ARL6IP6: variants seen among roughly 807,000 people sequenced by gnomAD.
ARL6IP6 encodes ARF like GTPase 6 interacting protein 6.
A neutral mutation model predicts 21.5 loss-of-function variants in ARL6IP6; 22 were observed. That is an observed-to-expected ratio of 1.02 (90% CI 0.73 to 1.46). The LOEUF (loss-of-function observed/expected upper bound fraction) is 1.46. Among genes scored for constraint, ARL6IP6 ranks in the 40% most tolerant of loss-of-function variants. ARL6IP6 has a pLI of 0.00. For missense variants in ARL6IP6, 388 were observed against 299.8 expected (o/e 1.29, Z -2.17); for synonymous variants, 164 against 125.3 (o/e 1.31, Z -2.06).
intron 3 of ARL6IP6, among the ~76,000 whole-genome samples, chr2:152,750,925 G>A (rs989468705): frequency 6.6e-6 from 1 of 152,146 alleles, no homozygotes; most frequent in East Asian, 1.9e-4. Flanking sequence ...AATAATTGTA[G>A]TAACATCTCC....
At chr2:152,719,937 A>G in intron 1 of ARL6IP6, 1 of 379,388 alleles carries the variant, frequency 2.6e-6, no homozygotes, top group Non-Finnish European at 5.4e-6. Context: ...CTAAAACCTT[A>G]CAATGCTTGA....
chr2:152,728,887 C>T (rs1245249516), intron 2 of ARL6IP6, among the ~76,000 whole-genome samples: 2 of 151,850 alleles, frequency 1.3e-5, no homozygotes, highest in Admixed American at 1.3e-4. Context: ...GGTGAAACCT[C>T]GTCTCTACTA....
chr2:152,740,959 G>A (rs1011846577), intron 3 of ARL6IP6, among the ~76,000 whole-genome samples: 2 of 152,100 alleles, frequency 1.3e-5, no homozygotes, highest in Admixed American at 1.3e-4. Flanking sequence ...CACCAGTAGA[G>A]TGAGTCCTTG....
intron 3 of ARL6IP6, among the ~76,000 whole-genome samples, chr2:152,735,971 T>C (rs1700531947): frequency 1.3e-5 from 2 of 152,172 alleles, no homozygotes; most frequent in African/African-American, 4.8e-5. Context: ...TCATTATTAG[T>C]AAACTCCCAA....
At chr2:152,727,446 A>G (rs1459296608) in intron 2 of ARL6IP6, among the ~76,000 whole-genome samples, 1 of 152,188 alleles carries the variant, frequency 6.6e-6, no homozygotes, top group East Asian at 1.9e-4. Context: ...AATTTAGCGT[A>G]ACCTAAGTGT....
intron 3 of ARL6IP6, among the ~76,000 whole-genome samples, chr2:152,741,774 A>G (rs1250841381): frequency 6.6e-6 from 1 of 152,184 alleles, no homozygotes; most frequent in Admixed American, 6.5e-5. Flanking sequence ...CAACAGGCAT[A>G]TTTTTTGGAA....
rs1473437492 is a variant in ARL6IP6, at chr2:152,761,580, C to T, written c.*1740C>T. Among the ~76,000 whole-genome samples, 6 of 152,140 alleles carry T rather than the reference C, an allele frequency of 3.9e-5. No homozygotes were observed. The highest frequency in any genetic ancestry group is 7.3e-5 in the Non-Finnish European group (5 of 68,036). On this transcript the variant is annotated 3_prime_UTR_variant, in exon 4 of 4. Transcript: ENST00000326446. ...TAGACAGTCATGTGCCATATAACAA[C>T]GTTTTGGTCACAACGAACTGTACTT...
intron 2 of ARL6IP6, among the ~76,000 whole-genome samples, chr2:152,727,217 G>A (rs2105103221): frequency 6.6e-6 from 1 of 152,290 alleles, no homozygotes; most frequent in South Asian, 2.1e-4. Flanking sequence ...GCTAATGTGT[G>A]TGTGTCTTAG....
chr2:152,758,402 G>A (rs901768277), intron 3 of ARL6IP6, among the ~76,000 whole-genome samples: 17 of 151,782 alleles, frequency 1.1e-4, no homozygotes, highest in African/African-American at 3.6e-4. Context: ...TTTTTGGATC[G>A]TCACTAAATA....
chr2:152,723,649 C>A (rs1308077205), intron 2 of ARL6IP6, among the ~76,000 whole-genome samples: 2 of 152,100 alleles, frequency 1.3e-5, no homozygotes, highest in African/African-American at 4.8e-5. Flanking sequence ...AATCCTAGTC[C>A]AAGATTGGCA....
At chr2:152,743,314 T>C (rs2105154027) in intron 3 of ARL6IP6, among the ~76,000 whole-genome samples, 1 of 152,258 alleles carries the variant, frequency 6.6e-6, no homozygotes, top group Middle Eastern at 3.4e-3. Flanking sequence ...AGTAATAAGC[T>C]TAGTGGAAAA....
chr2:152,720,010 CTGAA>C (rs1412012095), intron 1 of ARL6IP6: 2 of 116,892 alleles, frequency 1.7e-5, no homozygotes, highest in South Asian at 4.6e-5. Context: ...AAATGGTAAA[CTGAA>C]TGTGCATAAA....
At position 152,759,752 on chromosome 2, in the gene ARL6IP6, T is replaced by C; in HGVS notation, c.593T>C (p.Leu198Pro). Residue 198 changes from leucine (L) to proline (P), a missense_variant, in exon 4 of 4, where the codon CTG (leucine) becomes CCG (proline). Coordinates refer to ENST00000326446, the MANE Select transcript of ARL6IP6 (RefSeq NM_152522.7). ...TPLSPARFKK[L>P]TGHSFHMGYS... is the part of the protein sequence containing the mutation. ...GTGTTTTTCTTTTTTTCTAGGAAAC[T>C]GACTGGACATTCTTTCCACATGGGC... The C allele has an allele frequency of 6.2e-7, 1 of 1,612,434 alleles. No individual in the cohort carries two copies. The highest frequency in any genetic ancestry group is 8.5e-7 in the Non-Finnish European group (1 of 1,178,738).
upstream of ARL6IP6, chr2:152,718,108 C>T: frequency 1.0e-6 from 1 of 983,170 alleles, no homozygotes; most frequent in Non-Finnish European, 1.2e-6. Flanking sequence ...TAAGGAACCG[C>T]GAGAGCGCCA....
At position 152,739,536 on chromosome 2, in the gene ARL6IP6, C is replaced by T. The variant is rs183770213; in HGVS notation, c.587+4410C>T. 3.3e-5 allele frequency among the ~76,000 whole-genome samples: 5 copies of T among 152,270 alleles called. No individual in the cohort carries two copies. The East Asian group carries it at 5.8e-4, about 18-fold the overall frequency. On this transcript the variant is annotated intron_variant, in intron 3 of 3. Coordinates refer to ENST00000326446, the MANE Select transcript of ARL6IP6 (RefSeq NM_152522.7). ...TGGACTTCATTGTCCATATCAAGATCGGCATTTTGGTCAAAGCCATTCAGC... is the reference window on the plus strand; with the variant it reads ...TGGACTTCATTGTCCATATCAAGATTGGCATTTTGGTCAAAGCCATTCAGC...
At chr2:152,741,366 C>T (rs1302819136) in intron 3 of ARL6IP6, among the ~76,000 whole-genome samples, 1 of 148,936 alleles carries the variant, frequency 6.7e-6, no homozygotes, top group African/African-American at 2.5e-5. Context: ...AAATAGTAGT[C>T]TTTTGCTATC....
chr2:152,749,333 A>ACACACG (rs1553533316), intron 3 of ARL6IP6, among the ~76,000 whole-genome samples: 10 of 151,372 alleles, frequency 6.6e-5, no homozygotes, highest in African/African-American at 1.2e-4. Context: ...ACACACACAC[A>ACACACG]CACGCACGCA....
chr2:152,749,304 CACACACAAAA>C (rs1290129320), intron 3 of ARL6IP6, among the ~76,000 whole-genome samples: 1 of 101,734 alleles, frequency 9.8e-6, no homozygotes, highest in African/African-American at 3.6e-5. Context: ...AGCAGAAACA[CACACACAAAA>C]ACACACACAC....
At chr2:152,729,334 C>CTGTGTGTGTG (rs10604718) in intron 2 of ARL6IP6, among the ~76,000 whole-genome samples, 2,711 of 151,046 alleles carry the variant, frequency 0.018, 78 homozygotes, top group African/African-American at 0.061. Flanking sequence ...CAGACTTTGT[C>CTGTGTGTGTG]TGTGTGTGTG....
Sources: allele counts gnomAD v4.1 joint callset (sites outside exome capture counted in the v4.1 genomes callset), GRCh38; gene constraint gnomAD v4.1.1; transcripts MANE v1.5; gene names NCBI Gene and HGNC (gene_info 2026-07-23, HGNC 2026-07-21).